The following EYS variants were observed in gnomAD, a reference collection of about 807,000 sequenced individuals.
The protein encoded by EYS is EGF-like photoreceptor maintenance factor, also known as protein eyes shut homolog.
In EYS, 250 loss-of-function variants were observed where a neutral mutation model predicts 282.1. That is an observed-to-expected ratio of 0.89 (90% CI 0.80 to 0.98). EYS has a LOEUF of 0.98. Ranked by LOEUF, EYS falls within the 50% of genes least tolerant of loss-of-function variation. The probability of loss-of-function intolerance (pLI) is 0.00; values close to 1 mark genes in which losing one functional copy is unlikely to be tolerated. For synonymous variants in EYS, 1,355 were observed against 1,282.9 expected (o/e 1.06, Z -1.20); for missense variants, 4,016 against 3,709.0 (o/e 1.08, Z -2.15).
intron 19 of EYS, among the ~76,000 whole-genome samples, chr6:64,866,836 G>T (rs1050386535): frequency 3.3e-5 from 5 of 151,710 alleles, no homozygotes; most frequent in Admixed American, 3.3e-4. Flanking sequence ...AAAAAGAGCA[G>T]ATGGTTAACA....
chr6:63,987,374 T>C (rs10944262), intron 34 of EYS, among the ~76,000 whole-genome samples: 53,669 of 151,480 alleles, frequency 0.35, 9,592 homozygotes, highest in African/African-American at 0.39. Context: ...ACTTCTCACA[T>C]CTGATGTTCA....
intron 26 of EYS, among the ~76,000 whole-genome samples, chr6:64,518,779 G>GCCCCCC (rs10626520): frequency 1.4e-5 from 2 of 146,816 alleles, no homozygotes; most frequent in Non-Finnish European, 3.0e-5. Context: ...GTTTATAAGG[G>GCCCCCC]GCCCCCCCCT....
chr6:65,364,176 T>C (rs1764821156), intron 8 of EYS, among the ~76,000 whole-genome samples: 1 of 151,120 alleles, frequency 6.6e-6, no homozygotes, highest in Non-Finnish European at 1.5e-5. Flanking sequence ...ATTTTGTCTT[T>C]GTGAATTTTT....
At chr6:65,661,871 A>G (rs1768011829) in intron 1 of EYS, among the ~76,000 whole-genome samples, 1 of 152,132 alleles carries the variant, frequency 6.6e-6, no homozygotes, top group African/African-American at 2.4e-5. Flanking sequence ...AGGCTGATCT[A>G]TAAAACTTTG....
At chr6:64,688,941 A>G (rs898335198) in intron 22 of EYS, among the ~76,000 whole-genome samples, 4 of 151,810 alleles carry the variant, frequency 2.6e-5, no homozygotes, top group South Asian at 2.1e-4. Context: ...CACCACTCCT[A>G]TTCAACATAG....
At chr6:63,852,246 T>A in intron 36 of EYS, among the ~76,000 whole-genome samples, 1 of 136,536 alleles carries the variant, frequency 7.3e-6, no homozygotes, top group South Asian at 2.3e-4. Flanking sequence ...GCCAGACTAA[T>A]AAGAAAAGGG....
At chr6:64,216,122 GATAA>G (rs1765919103) in intron 31 of EYS, among the ~76,000 whole-genome samples, 1 of 152,152 alleles carries the variant, frequency 6.6e-6, no homozygotes, top group Non-Finnish European at 1.5e-5. Context: ...ACACATGTCA[GATAA>G]ATAAATGTAT....
At chr6:63,955,473 C>T (rs779307293) in intron 35 of EYS, among the ~76,000 whole-genome samples, 10 of 152,224 alleles carry the variant, frequency 6.6e-5, no homozygotes, top group Middle Eastern at 3.4e-3. Context: ...CTCTTATTCT[C>T]GTTCCCATTC....
At position 64,542,576 on chromosome 6, in the gene EYS, G is replaced by A. The variant is rs530162455; in HGVS notation, c.5644+47647C>T. Among the ~76,000 whole-genome samples the A allele has an allele frequency of 7.2e-5, 11 of 152,136 alleles. 1 individual carries two copies. In the East Asian group the frequency reaches 2.1e-3, roughly 29 times the overall value. ...TGGTCTACAGTGATTGTGAAAGTAG[G>A]TTTTTGAGCCTTGTCCCCTTTGTCA... On this transcript the variant is annotated intron_variant, in intron 26 of 42. Coordinates refer to ENST00000503581, the MANE Select transcript of EYS (RefSeq NM_001142800.2).
At chr6:65,126,931 T>C (rs1775735501) in intron 12 of EYS, among the ~76,000 whole-genome samples, 1 of 152,108 alleles carries the variant, frequency 6.6e-6, no homozygotes. Context: ...GAGGCTCTTT[T>C]GGATTGTGGT....
intron 31 of EYS, among the ~76,000 whole-genome samples, chr6:64,086,501 T>G (rs73762728): frequency 6.6e-6 from 1 of 152,174 alleles, no homozygotes; most frequent in Non-Finnish European, 1.5e-5. Context: ...CACATACATA[T>G]CTCCTGCTAA....
intron 26 of EYS, among the ~76,000 whole-genome samples, chr6:64,583,932 G>T (rs1766151486): frequency 6.6e-6 from 1 of 151,808 alleles, no homozygotes; most frequent in Non-Finnish European, 1.5e-5. Flanking sequence ...GGCATGTTTG[G>T]ACATAAAATA....
intron 33 of EYS, among the ~76,000 whole-genome samples, chr6:64,060,916 C>A (rs1265568372): frequency 1.3e-5 from 2 of 152,280 alleles, no homozygotes; most frequent in African/African-American, 4.8e-5. Flanking sequence ...TTAAACCATG[C>A]ATTTCTTTAC....
intron 15 of EYS, among the ~76,000 whole-genome samples, chr6:64,926,721 T>C (rs1768529284): frequency 6.6e-6 from 1 of 152,202 alleles, no homozygotes. Flanking sequence ...TGTGAATCTT[T>C]ACACACAATT....
chr6:64,287,090 C>T (rs1768529992), intron 30 of EYS, among the ~76,000 whole-genome samples: 1 of 152,216 alleles, frequency 6.6e-6, no homozygotes, highest in South Asian at 2.1e-4. Flanking sequence ...CAGGTTAGTT[C>T]TAAAGCTCAA....
chr6:64,033,827 ACTCTCTCTCTCTCT>A (rs71708335), intron 33 of EYS, among the ~76,000 whole-genome samples: 8 of 148,632 alleles, frequency 5.4e-5, no homozygotes, highest in African/African-American at 2.0e-4. Flanking sequence ...AAATGAGATT[ACTCTCTCTCTCTCT>A]CTCTCTATAT....
chr6:63,791,433 C>T (rs1770508098), intron 37 of EYS, among the ~76,000 whole-genome samples: 1 of 152,058 alleles, frequency 6.6e-6, no homozygotes, highest in Non-Finnish European at 1.5e-5. Flanking sequence ...ACAAAATTAG[C>T]CGGGCGTGGT....
At chr6:65,618,927 C>T (rs1343193067) in intron 2 of EYS, among the ~76,000 whole-genome samples, 1 of 152,202 alleles carries the variant, frequency 6.6e-6, no homozygotes. Context: ...TGTTTTGGTA[C>T]CAGTACCATG....
intron 11 of EYS, among the ~76,000 whole-genome samples, chr6:65,298,865 A>G (rs1176071113): frequency 6.6e-5 from 10 of 151,984 alleles, no homozygotes; most frequent in Non-Finnish European, 1.3e-4. Flanking sequence ...AAAGGTTGCA[A>G]ATATTCTATT....
Sources: allele counts gnomAD v4.1 joint callset (sites outside exome capture counted in the v4.1 genomes callset), GRCh38; gene constraint gnomAD v4.1.1; transcripts MANE v1.5; gene names NCBI Gene and HGNC (gene_info 2026-07-23, HGNC 2026-07-21).